Variants in AGBL1 observed in about 807,000 individuals in gnomAD.
The protein encoded by AGBL1 is cytosolic carboxypeptidase 4.
Under a neutral mutation model 118.9 loss-of-function variants are expected in AGBL1, and 130 were observed. The observed-to-expected ratio is 1.09, with a 90% CI of 0.95 to 1.26. The LOEUF is 1.26. Among genes scored for constraint, AGBL1 ranks in the 50% most tolerant of loss-of-function variants. The probability of loss-of-function intolerance (pLI) is 0.00; values close to 1 mark genes in which losing one functional copy is unlikely to be tolerated. For synonymous variants in AGBL1, 555 were observed against 478.9 expected (o/e 1.16, Z -2.08); for missense variants, 1,584 against 1,298.1 (o/e 1.22, Z -3.38).
At chr15:86,744,703 C>T (rs1204355245) in intron 22 of AGBL1, among the ~76,000 whole-genome samples, 2 of 152,128 alleles carry the variant, frequency 1.3e-5, no homozygotes, top group African/African-American at 4.8e-5. Flanking sequence ...CCTCTTTGCA[C>T]TGAGTCCTGA....
At chr15:86,882,142 T>A (rs1451738288) in intron 22 of AGBL1, among the ~76,000 whole-genome samples, 2 of 152,212 alleles carry the variant, frequency 1.3e-5, no homozygotes, top group East Asian at 3.9e-4. Context: ...CAGGTCACCA[T>A]GACACGGCTA....
intron 24 of AGBL1, among the ~76,000 whole-genome samples, chr15:87,008,352 T>G (rs1268742102): frequency 6.6e-6 from 1 of 152,174 alleles, no homozygotes; most frequent in Non-Finnish European, 1.5e-5. Flanking sequence ...AGAAGGAGTT[T>G]CCCTGCACAA....
intron 5 of AGBL1, among the ~76,000 whole-genome samples, chr15:86,220,953 A>G (rs914439659): frequency 1.3e-5 from 2 of 152,152 alleles, no homozygotes; most frequent in African/African-American, 4.8e-5. Flanking sequence ...TAATCCTAGC[A>G]CTTTGGGAGG....
intron 18 of AGBL1, among the ~76,000 whole-genome samples, chr15:86,410,826 A>AT (rs1377268254): frequency 5.3e-5 from 6 of 113,144 alleles, no homozygotes; most frequent in African/African-American, 2.2e-4. Flanking sequence ...ATATATATAT[A>AT]TATATATATA....
At chr15:86,698,485 G>A (rs1277019290) in intron 22 of AGBL1, among the ~76,000 whole-genome samples, 1 of 151,936 alleles carries the variant, frequency 6.6e-6, no homozygotes, top group African/African-American at 2.4e-5. Context: ...ATACCCACCT[G>A]CACCCCCATA....
At chr15:86,751,087 G>A (rs1416681435) in intron 22 of AGBL1, among the ~76,000 whole-genome samples, 3 of 152,042 alleles carry the variant, frequency 2.0e-5, no homozygotes, top group Admixed American at 6.6e-5. Flanking sequence ...TGTGAATAGT[G>A]CTGCAGTGAA....
At chr15:86,593,786 C>T (rs74026963) in intron 21 of AGBL1, among the ~76,000 whole-genome samples, 2,320 of 152,240 alleles carry the variant, frequency 0.015, 71 homozygotes, top group African/African-American at 0.053. Flanking sequence ...CTCTAGGGAA[C>T]GACTAATCTT....
chr15:86,656,556 G>A (rs1185673237), intron 21 of AGBL1, among the ~76,000 whole-genome samples: 1 of 152,180 alleles, frequency 6.6e-6, no homozygotes, highest in Non-Finnish European at 1.5e-5. Flanking sequence ...GACTTTGGTA[G>A]TGCACTCCTA....
At chr15:86,733,187 A>C (rs2077549399) in intron 22 of AGBL1, among the ~76,000 whole-genome samples, 1 of 152,010 alleles carries the variant, frequency 6.6e-6, no homozygotes, top group South Asian at 2.1e-4. Flanking sequence ...CCAAAAAGCC[A>C]ATGGTATAGT....
At chr15:86,150,837 C>A (rs984960635) in intron 3 of AGBL1, among the ~76,000 whole-genome samples, 1 of 152,122 alleles carries the variant, frequency 6.6e-6, no homozygotes, top group African/African-American at 2.4e-5. Flanking sequence ...AGAACAATAT[C>A]CCTGATGAAC....
At chr15:86,216,820 A>G (rs1243755277) in intron 5 of AGBL1, among the ~76,000 whole-genome samples, 1 of 152,124 alleles carries the variant, frequency 6.6e-6, no homozygotes, top group Non-Finnish European at 1.5e-5. Flanking sequence ...CAAAGCCCTT[A>G]TAGTACCTAC....
chr15:86,749,830 T>G (rs1346978797), intron 22 of AGBL1, among the ~76,000 whole-genome samples: 1 of 152,222 alleles, frequency 6.6e-6, no homozygotes, highest in Non-Finnish European at 1.5e-5. Context: ...TTGCGTATGT[T>G]GAACCAGCCT....
intron 18 of AGBL1, among the ~76,000 whole-genome samples, chr15:86,482,861 T>A (rs747900796): frequency 3.3e-5 from 5 of 152,044 alleles, no homozygotes; most frequent in Non-Finnish European, 7.4e-5. Context: ...TATGTCTCAT[T>A]ATGTCAGATG....
At chr15:86,518,506 G>A (rs1214985165) in intron 18 of AGBL1, among the ~76,000 whole-genome samples, 1 of 151,960 alleles carries the variant, frequency 6.6e-6, no homozygotes, top group Non-Finnish European at 1.5e-5. Context: ...AGATGCTTTT[G>A]TTTGGTCATA....
At chr15:86,318,151 C>T (rs1330409034) in intron 17 of AGBL1, among the ~76,000 whole-genome samples, 1 of 152,138 alleles carries the variant, frequency 6.6e-6, no homozygotes, top group African/African-American at 2.4e-5. Context: ...AACCATTTAC[C>T]CAAAGTCAGC....
At position 86,863,719 on chromosome 15, in the gene AGBL1, G is replaced by A. The variant is rs138059259; in HGVS notation, c.3159-43368G>A. Among the ~76,000 whole-genome samples, 150 of 152,270 alleles carry A rather than the reference G, an allele frequency of 9.9e-4. 1 individual carries two copies. The highest frequency in any genetic ancestry group is 3.3e-3 in the African/African-American group (136 of 41,542). ...TGTAAATGTTGGAACATTCTGTATG[G>A]ATCATGGGCATAACAAAGTAATAAT... On this transcript the variant is annotated intron_variant, in intron 22 of 22. Coordinates refer to ENST00000614907, the MANE Select transcript of AGBL1 (RefSeq NM_001386094.1).
intron 17 of AGBL1, among the ~76,000 whole-genome samples, chr15:86,352,734 C>T (rs1023949306): frequency 6.6e-6 from 1 of 152,066 alleles, no homozygotes; most frequent in East Asian, 1.9e-4. Flanking sequence ...CACTTGAGTG[C>T]CTCAGCCTCC....
chr15:86,384,858 A>G (rs1216822578), intron 17 of AGBL1, among the ~76,000 whole-genome samples: 4 of 152,210 alleles, frequency 2.6e-5, no homozygotes. Flanking sequence ...GAAATTGGAT[A>G]GTTTTGTGAG....
chr15:86,601,937 A>G (rs760523769), intron 21 of AGBL1, among the ~76,000 whole-genome samples: 35 of 152,170 alleles, frequency 2.3e-4, no homozygotes, highest in Non-Finnish European at 4.1e-4. Context: ...GCTTAACCAT[A>G]TACTCTTTCC....
Sources: allele counts gnomAD v4.1 joint callset (sites outside exome capture counted in the v4.1 genomes callset), GRCh38; gene constraint gnomAD v4.1.1; transcripts MANE v1.5; gene names NCBI Gene and HGNC (gene_info 2026-07-23, HGNC 2026-07-21).